EBF2: variants seen among roughly 807,000 people sequenced by gnomAD.
EBF2 encodes the protein EBF transcription factor 2.
EBF2 carries 21 observed loss-of-function variants against 72.8 expected under a neutral mutation model. The ratio of observed to expected loss-of-function variants is 0.29; its 90% CI spans 0.20 to 0.42. EBF2 has a LOEUF of 0.42. EBF2 is among the 10% of genes least tolerant of loss of function. The pLI is 1.00. For synonymous variants in EBF2, 299 were observed against 274.2 expected (o/e 1.09, Z -0.89); for missense variants, 637 against 731.2 (o/e 0.87, Z 1.49).
intron 10 of EBF2, among the ~76,000 whole-genome samples, chr8:25,875,314 ATCTT>A (rs1802505056): frequency 6.6e-6 from 1 of 152,174 alleles, no homozygotes; most frequent in African/African-American, 2.4e-5. Context: ...ATGTAATTTT[ATCTT>A]TCTAATGGGG....
Position 26,033,077 on chromosome 8 carries a change from C to T in EBF2, c.551+8G>A, listed in dbSNP as rs949230961. On this transcript the variant is annotated splice_region_variant and intron_variant, in intron 6 of 15. Transcript: ENST00000520164. ...AAAAATGATTGAAAAATCACTTTTT[C>T]CCCCTACCTGTCAATTATGACTGGG... is the stretch of plus-strand genomic sequence containing the variant. 2 of 1,613,358 alleles carry T rather than the reference C, an allele frequency of 1.2e-6. No homozygotes were observed. The highest frequency in any genetic ancestry group is 1.7e-6 in the Non-Finnish European group (2 of 1,179,534).
chr8:25,861,628 C>T (rs1447566757), intron 11 of EBF2, among the ~76,000 whole-genome samples: 1 of 152,086 alleles, frequency 6.6e-6, no homozygotes, highest in Non-Finnish European at 1.5e-5. Flanking sequence ...AAAAAACAAC[C>T]CAATTGAGAG....
intron 6 of EBF2, among the ~76,000 whole-genome samples, chr8:25,997,186 T>C (rs1804647535): frequency 6.6e-6 from 1 of 152,116 alleles, no homozygotes; most frequent in Non-Finnish European, 1.5e-5. Flanking sequence ...TCCACTCTAT[T>C]TCATGCTATG....
At chr8:26,035,692 A>T (rs1386246529) in intron 5 of EBF2, among the ~76,000 whole-genome samples, 2 of 152,186 alleles carry the variant, frequency 1.3e-5, no homozygotes. Context: ...TAGGAAGGAA[A>T]AGAAAAATGG....
chr8:26,003,266 G>A (rs774383892), intron 6 of EBF2, among the ~76,000 whole-genome samples: 15 of 152,036 alleles, frequency 9.9e-5, no homozygotes, highest in East Asian at 1.9e-4. Context: ...AAACTTCTAG[G>A]CCCTTTTAGA....
intron 6 of EBF2, among the ~76,000 whole-genome samples, chr8:25,946,158 A>C (rs1803765441): frequency 6.6e-6 from 1 of 152,266 alleles, no homozygotes; most frequent in South Asian, 2.1e-4. Flanking sequence ...CACTTAGAAC[A>C]GCCAAATCTC....
chr8:26,014,359 T>C (rs974191786), intron 6 of EBF2, among the ~76,000 whole-genome samples: 2 of 147,360 alleles, frequency 1.4e-5, no homozygotes, highest in African/African-American at 2.4e-5. Flanking sequence ...ACTTTTATTA[T>C]TAGTAGTAGT....
intron 6 of EBF2, among the ~76,000 whole-genome samples, chr8:26,014,352 T>TTTG (rs1409129542): frequency 6.6e-6 from 1 of 152,014 alleles, no homozygotes; most frequent in Non-Finnish European, 1.5e-5. Flanking sequence ...CCCTCTGACT[T>TTTG]TTATTATTAG....
intron 1 of EBF2, among the ~76,000 whole-genome samples, chr8:26,043,992 C>G (rs958502467): frequency 6.6e-6 from 1 of 152,354 alleles, no homozygotes; most frequent in Admixed American, 6.5e-5. Flanking sequence ...CTGGCGATCC[C>G]TGAGCCAGTC....
chr8:26,012,462 T>C (rs543619881), intron 6 of EBF2, among the ~76,000 whole-genome samples: 116 of 152,342 alleles, frequency 7.6e-4, no homozygotes, highest in Non-Finnish European at 1.4e-3. Context: ...TCCTGATACA[T>C]ACTAAATTTA....
intron 10 of EBF2, among the ~76,000 whole-genome samples, chr8:25,867,817 C>T (rs551606633): frequency 1.1e-3 from 166 of 152,290 alleles, no homozygotes; most frequent in African/African-American, 3.7e-3. Flanking sequence ...GTGAATTGTA[C>T]CATCATCCAA....
At chr8:25,942,503 T>C (rs746681653) in intron 6 of EBF2, among the ~76,000 whole-genome samples, 4 of 152,216 alleles carry the variant, frequency 2.6e-5, no homozygotes, top group African/African-American at 4.8e-5. Context: ...AATGTCCCCT[T>C]GGGGCCTATC....
intron 6 of EBF2, among the ~76,000 whole-genome samples, chr8:25,914,450 G>A (rs2117127053): frequency 6.6e-6 from 1 of 152,298 alleles, no homozygotes; most frequent in African/African-American, 2.4e-5. Flanking sequence ...ATTGGTTGTT[G>A]AGGTGTTAGC....
chr8:25,986,344 C>T (rs1473607734), intron 6 of EBF2, among the ~76,000 whole-genome samples: 1 of 152,162 alleles, frequency 6.6e-6, no homozygotes, highest in African/African-American at 2.4e-5. Context: ...ACTTCTCTCT[C>T]ACTGGGCTGT....
chr8:25,896,097 T>C (rs1802860532), intron 7 of EBF2, among the ~76,000 whole-genome samples: 1 of 152,192 alleles, frequency 6.6e-6, no homozygotes, highest in Non-Finnish European at 1.5e-5. Flanking sequence ...CTAAGTCTCA[T>C]ACAAAGAGGC....
intron 5 of EBF2, among the ~76,000 whole-genome samples, chr8:26,037,324 C>A (rs949325206): frequency 3.9e-5 from 6 of 152,176 alleles, no homozygotes; most frequent in Non-Finnish European, 8.8e-5. Context: ...CAGCCAAACT[C>A]CAGCTCACGA....
At chr8:26,035,790 A>G (rs1805491560) in intron 5 of EBF2, among the ~76,000 whole-genome samples, 1 of 152,194 alleles carries the variant, frequency 6.6e-6, no homozygotes, top group Non-Finnish European at 1.5e-5. Flanking sequence ...CTTAACTTTT[A>G]AAATTTCAAT....
intron 6 of EBF2, among the ~76,000 whole-genome samples, chr8:25,912,319 A>G (rs1451625770): frequency 6.6e-6 from 1 of 152,130 alleles, no homozygotes; most frequent in Admixed American, 6.5e-5. Context: ...TTCCTGCACC[A>G]ATGACACTGT....
At chr8:26,040,150 G>T (rs200942973) in intron 4 of EBF2, 49 bp from the exon 5 acceptor site, 1 of 1,582,090 alleles carries the variant, frequency 6.3e-7, no homozygotes, top group Non-Finnish European at 8.7e-7. Flanking sequence ...AGGGGTGGGG[G>T]GCAAGGAAAG....
Sources: allele counts gnomAD v4.1 joint callset (sites outside exome capture counted in the v4.1 genomes callset), GRCh38; gene constraint gnomAD v4.1.1; transcripts MANE v1.5; gene names NCBI Gene and HGNC (gene_info 2026-07-23, HGNC 2026-07-21).